PRH1: variants seen among roughly 807,000 people sequenced by gnomAD.
PRH1 encodes salivary acidic proline-rich phosphoprotein 1/2.
In PRH1, 7 loss-of-function variants were observed where a neutral mutation model predicts 7.9. The observed-to-expected ratio is 0.89, with a 90% CI of 0.50 to 1.67. The LOEUF (loss-of-function observed/expected upper bound fraction) is 1.67. Among genes scored for constraint, PRH1 ranks in the 40% most tolerant of loss-of-function variants. PRH1 has a pLI of 0.00. For missense variants in PRH1, 109 were observed against 223.6 expected (o/e 0.49, Z 3.27); for synonymous variants, 45 against 80.8 (o/e 0.56, Z 2.38).
downstream of PRH1, among the ~76,000 whole-genome samples, chr12:11,119,264 G>A (rs185878209): frequency 1.6e-4 from 24 of 151,904 alleles, no homozygotes; most frequent in Admixed American, 1.2e-3. Context: ...GTTAACAAAG[G>A]CTAGGAAAGG....
At chr12:11,140,907 G>A (rs1266254748) in intron 1 of PRH1, among the ~76,000 whole-genome samples, 1 of 152,032 alleles carries the variant, frequency 6.6e-6, no homozygotes, top group Non-Finnish European at 1.5e-5. Context: ...CCAGTAATAT[G>A]TAGAGTGAAT....
chr12:11,025,021 A>T (rs1321860751), intron 1 of PRH1, among the ~76,000 whole-genome samples: 3 of 139,384 alleles, frequency 2.2e-5, no homozygotes, highest in East Asian at 2.1e-4. Flanking sequence ...ATTGTCATTA[A>T]TTTTTTTTTT....
intron 1 of PRH1, chr12:11,022,405 A>G (rs757358784): frequency 6.2e-6 from 10 of 1,614,030 alleles, no homozygotes; most frequent in Non-Finnish European, 8.5e-6. Flanking sequence ...GAGTAAACCA[A>G]TTCTGGAGAC....
At position 11,092,469 on chromosome 12, in the gene PRH1, C is replaced by G. The variant is rs1364066976; in HGVS notation, n.124-45281G>C. On this transcript the variant is annotated intron_variant and non_coding_transcript_variant, in intron 1 of 4. Coordinates refer to the PRH1 transcript ENST00000541977. ...AACCCAGGTAGGTTGCCGCGGCTGGCTGAAGCCATGAGCTTTTATTCCCTT... is the reference window on the plus strand; with the variant it reads ...AACCCAGGTAGGTTGCCGCGGCTGGGTGAAGCCATGAGCTTTTATTCCCTT... 6.1e-5 allele frequency among the ~76,000 whole-genome samples: 7 copies of G among 114,960 alleles called. 2 individuals carry two copies. Among genetic ancestry groups the G allele is most frequent in the African/African-American group, 1.5e-4 (5 of 34,230 alleles). 75.4% of individuals were successfully genotyped at this position (114,960 alleles called of 152,430 possible). A position where few individuals can be genotyped will look rare whatever the true frequency, so the allele number is the denominator to read the frequency against.
intron 2 of PRH1, among the ~76,000 whole-genome samples, chr12:10,923,086 C>T (rs1475847070): frequency 6.6e-6 from 1 of 150,794 alleles, no homozygotes; most frequent in Non-Finnish European, 1.5e-5. Context: ...CCTCGGCCTC[C>T]CAAAGTGCTG....
In PRH1 at chr12:10,997,090, C is replaced by T. The variant is rs144335695; in HGVS notation, c.-125-23369G>A. The T allele has an allele frequency of 4.8e-4, 779 of 1,614,002 alleles. No homozygotes were observed. The highest frequency in any genetic ancestry group is 6.4e-4 in the Non-Finnish European group (754 of 1,179,952). ...ATATGATTCCAAAAGCTTGGCAAAG[C>T]ATTAAGACAATTTCTTTTGGTCGCA... On this transcript the variant is annotated intron_variant, in intron 1 of 3. Transcript: ENST00000539853.
chr12:10,990,239 T>C (rs1489550766), intron 1 of PRH1, among the ~76,000 whole-genome samples: 2 of 152,154 alleles, frequency 1.3e-5, no homozygotes, highest in African/African-American at 4.8e-5. Flanking sequence ...CTTCACTAAA[T>C]GGTGCTGGGA....
At chr12:11,098,160 A>G (rs1248689458) in intron 1 of PRH1, among the ~76,000 whole-genome samples, 2 of 121,320 alleles carry the variant, frequency 1.6e-5, no homozygotes, top group African/African-American at 5.3e-5. Flanking sequence ...GCAAATCTCC[A>G]CTCCACCCAG....
chr12:10,986,348 T>C, intron 1 of PRH1: 1 of 1,614,050 alleles, frequency 6.2e-7, no homozygotes, highest in Non-Finnish European at 8.5e-7. Context: ...AAAGATGTAC[T>C]GTATTCCTCA....
rs367644602 is a variant in PRH1, at chr12:10,997,071, T to G, written c.-125-23350A>C. 1.2e-5 allele frequency: 20 copies of G among 1,614,054 alleles called. No individual in the cohort carries two copies. Among genetic ancestry groups the G allele is most frequent in the Non-Finnish European group, 1.7e-5 (20 of 1,179,958 alleles). ...AATGAGTGGAATGATGGATATATGA[T>G]TCCAAAAGCTTGGCAAAGCATTAAG... On this transcript the variant is annotated intron_variant, in intron 1 of 3. Coordinates refer to the PRH1 transcript ENST00000539853.
At chr12:11,130,326 C>T (rs1287912955) in intron 1 of PRH1, among the ~76,000 whole-genome samples, 2 of 152,046 alleles carry the variant, frequency 1.3e-5, no homozygotes, top group African/African-American at 4.8e-5. Flanking sequence ...TTTTAGTGTC[C>T]CTAGTCCACA....
intron 2 of PRH1, among the ~76,000 whole-genome samples, chr12:10,913,421 C>T (rs1780012149): frequency 6.6e-6 from 1 of 151,326 alleles, no homozygotes. Context: ...CACCACTGCA[C>T]TCCAGTGTGG....
chr12:10,914,617 A>C (rs1949947793), intron 2 of PRH1, among the ~76,000 whole-genome samples: 1 of 152,108 alleles, frequency 6.6e-6, no homozygotes, highest in Admixed American at 6.6e-5. Context: ...TATAAGTCGT[A>C]TTTACATTAA....
At chr12:11,061,851 GTT>G in intron 1 of PRH1, 3 of 1,614,142 alleles carry the variant, frequency 1.9e-6, no homozygotes, top group Non-Finnish European at 2.5e-6. Context: ...TCTGATTCAT[GTT>G]TATCACAAAA....
intron 1 of PRH1, among the ~76,000 whole-genome samples, chr12:10,990,842 C>T (rs143257368): frequency 7.6e-4 from 116 of 152,168 alleles, no homozygotes; most frequent in African/African-American, 2.4e-3. Context: ...TTTGCTGATG[C>T]CTTAGAGATG....
upstream of PRH1, among the ~76,000 whole-genome samples, chr12:11,048,047 T>G (rs1041918809): frequency 6.6e-6 from 1 of 152,138 alleles, no homozygotes. Flanking sequence ...TGAACTATCA[T>G]AAAATATACC....
chr12:11,001,153 CT>C (rs1055995057), intron 1 of PRH1, among the ~76,000 whole-genome samples: 14 of 148,330 alleles, frequency 9.4e-5, no homozygotes, highest in African/African-American at 2.0e-4. Context: ...ATGTTAGTAG[CT>C]TTTTTTTTTA....
In PRH1 at chr12:11,031,895, G is replaced by A. The variant is rs533343579; in HGVS notation, c.-126+15125C>T. 1.4e-3 allele frequency among the ~76,000 whole-genome samples: 216 copies of A among 152,280 alleles called. 1 individual carries two copies. Among genetic ancestry groups the A allele is most frequent in the African/African-American group, 4.9e-3 (205 of 41,554 alleles). On this transcript the variant is annotated intron_variant, in intron 1 of 3. Transcript: ENST00000539853. ...GTAATATAACTGGGTGTGATTGCTT[G>A]AATATCCTGACCTTAAATTCTATAT... is the stretch of plus-strand genomic sequence containing the variant.
chr12:11,053,512 A>G (rs1370354701), intron 1 of PRH1, among the ~76,000 whole-genome samples: 1 of 152,290 alleles, frequency 6.6e-6, no homozygotes, highest in Non-Finnish European at 1.5e-5. Context: ...AAACTACACT[A>G]CACTACACTT....
Sources: allele counts gnomAD v4.1 joint callset (sites outside exome capture counted in the v4.1 genomes callset), GRCh38; gene constraint gnomAD v4.1.1; transcripts MANE v1.5; gene names NCBI Gene and HGNC (gene_info 2026-07-23, HGNC 2026-07-21).